The following ACOX3 variants were observed in gnomAD, a reference collection of about 807,000 sequenced individuals.
ACOX3 encodes the protein peroxisomal acyl-coenzyme A oxidase 3.
Under a neutral mutation model 81.5 loss-of-function variants are expected in ACOX3, and 73 were observed. The observed-to-expected ratio is 0.90, with a 90% CI of 0.74 to 1.09. ACOX3 has a LOEUF of 1.09. ACOX3 is among the 50% of genes least tolerant of loss of function. ACOX3 has a pLI of 0.00. For missense variants in ACOX3, 947 were observed against 928.0 expected (o/e 1.02, Z -0.27); for synonymous variants, 387 against 375.1 (o/e 1.03, Z -0.37).
At chr4:8,396,909 AGTGAAAG>A in intron 9 of ACOX3, 21 bp downstream of exon 9, 1 of 1,598,836 alleles carries the variant, frequency 6.3e-7, no homozygotes. Context: ...ATAGAGAGAC[AGTGAAAG>A]GATGCTTGAA....
At chr4:8,408,314 G>T (rs192255447) in intron 6 of ACOX3, among the ~76,000 whole-genome samples, 1 of 149,676 alleles carries the variant, frequency 6.7e-6, no homozygotes, top group Non-Finnish European at 1.5e-5. Flanking sequence ...CTGCCCCTCC[G>T]CCCACCAGCT....
At position 8,384,109 on chromosome 4, in the gene ACOX3, A is replaced by G. The variant is rs976878923; in HGVS notation, c.1538-2502T>C. Reference sequence around the variant, plus strand: ...TCACGGCAGTTACCCGAGTTTTCCAATCTGTCTCTGCAACCAGAATTAATC... The same window carrying G: ...TCACGGCAGTTACCCGAGTTTTCCAGTCTGTCTCTGCAACCAGAATTAATC... On this transcript the variant is annotated intron_variant, in intron 13 of 17. Transcript: ENST00000356406. This position sits in a 1 kb window ranked among gnomAD's most constrained non-coding sequence, Gnocchi z 5.3. Among the ~76,000 whole-genome samples, 1 of 152,108 alleles carries G rather than the reference A, an allele frequency of 6.6e-6. No individual in the cohort carries two copies. Among genetic ancestry groups the G allele is most frequent in the African/African-American group, 2.4e-5 (1 of 41,410 alleles).
rs1281792559 is a variant in ACOX3 at position 8,367,198 on chromosome 4, G to A, written c.1984-118C>T. The A allele has an allele frequency of 3.6e-6, 5 of 1,385,906 alleles. No homozygotes were observed. The South Asian group carries it at 4.1e-5, about 11-fold the overall frequency. The allele number at this position is 1,385,906 out of a possible 1,614,324, so 85.9% of individuals were successfully genotyped here. On this transcript the variant is annotated intron_variant, in intron 17 of 17. Transcript: ENST00000356406. ...TTTTTGTTAAAAACACAGGAAATTC[G>A]GCTGGGCACAGTGGCTCACGCCCGT... is the stretch of plus-strand genomic sequence containing the variant.
rs554406548 is a variant in ACOX3 at position 8,399,131 on chromosome 4, C to T, written c.873+425G>A. ...GGTCATCAGCTATGACCTGGGCCAT[C>T]GCTCCCCAGGACCACGGTCTCTCTT... On this transcript the variant is annotated intron_variant, in intron 8 of 17. Transcript: ENST00000356406. The surrounding 1 kb of genome is among the most constrained non-coding windows in gnomAD (Gnocchi z 4.9). 9.2e-5 allele frequency among the ~76,000 whole-genome samples: 14 copies of T among 152,296 alleles called. No individual in the cohort carries two copies. The highest frequency in any genetic ancestry group is 1.9e-4 in the African/African-American group (8 of 41,556).
chr4:8,364,176 C>T (rs570954381), downstream of ACOX3, among the ~76,000 whole-genome samples: 2 of 152,274 alleles, frequency 1.3e-5, no homozygotes, highest in Admixed American at 6.5e-5. This position sits in a 1 kb window ranked among gnomAD's most constrained non-coding sequence, Gnocchi z 5.0. Flanking sequence ...CCAATGTGCA[C>T]TCTCCATGTA....
chr4:8,357,272 G>T, the ACOX3 span: 1 of 456,580 alleles, frequency 2.2e-6, no homozygotes, highest in Non-Finnish European at 4.4e-6. Context: ...AGGAGACGGG[G>T]GCCCTCGAGG....
intron 1 of ACOX3, among the ~76,000 whole-genome samples, chr4:8,438,603 A>G (rs1016551985): frequency 1.3e-5 from 2 of 152,252 alleles, no homozygotes; most frequent in South Asian, 4.1e-4. Flanking sequence ...GATTTTAGAA[A>G]TAGCCATACA....
chr4:8,412,232 C>T (rs887516551), intron 5 of ACOX3, among the ~76,000 whole-genome samples: 1 of 152,232 alleles, frequency 6.6e-6, no homozygotes, highest in Non-Finnish European at 1.5e-5. Flanking sequence ...TCTCCTAGCC[C>T]CACTCTGAGA....
chr4:8,364,093 G>A (rs1578835534), downstream of ACOX3, among the ~76,000 whole-genome samples: 1 of 152,020 alleles, frequency 6.6e-6, no homozygotes, highest in African/African-American at 2.4e-5. The surrounding 1 kb of genome is among the most constrained non-coding windows in gnomAD (Gnocchi z 5.0). Context: ...CCTCTCTTGG[G>A]GTCCAGATGG....
At chr4:8,388,247 G>A (rs1030684720) in intron 13 of ACOX3, among the ~76,000 whole-genome samples, 3 of 152,246 alleles carry the variant, frequency 2.0e-5, no homozygotes, top group African/African-American at 7.2e-5. Flanking sequence ...CAGGATCACT[G>A]CTTTGCAGAA....
At chr4:8,356,562 A>G in the ACOX3 span, 1 of 456,450 alleles carries the variant, frequency 2.2e-6, no homozygotes, top group South Asian at 1.5e-5. Context: ...TGAAAGGAAA[A>G]CCACACACAC....
chr4:8,422,467 T>G (rs778172550), intron 1 of ACOX3, among the ~76,000 whole-genome samples: 4 of 152,226 alleles, frequency 2.6e-5, no homozygotes, highest in Non-Finnish European at 5.9e-5. Context: ...GAAACTCTAA[T>G]GAACTTGGCA....
downstream of ACOX3, among the ~76,000 whole-genome samples, chr4:8,363,142 G>A (rs1241457457): frequency 6.6e-6 from 1 of 152,216 alleles, no homozygotes; most frequent in Non-Finnish European, 1.5e-5. Context: ...AAACAAGAGG[G>A]ATGGATAATG....
chr4:8,427,204 C>T (rs986046232), intron 1 of ACOX3, among the ~76,000 whole-genome samples: 2 of 152,204 alleles, frequency 1.3e-5, no homozygotes, highest in East Asian at 1.9e-4. Context: ...AAGAAATAAT[C>T]AGATCATCTG....
Position 8,373,214 on chromosome 4 carries a change from G to A in ACOX3, c.1896+347C>T, listed in dbSNP as rs3756189. Among the ~76,000 whole-genome samples the A allele has an allele frequency of 4.4e-3, 663 of 152,156 alleles. 28 individuals are homozygous for A. In the East Asian group the frequency reaches 0.097, roughly 22 times the overall value. Reference sequence around the variant, plus strand: ...GTGTGTGCAGATCTGGAGACGCCCCGACAGGTTTCTTTTGCAAAAATTTCT... The same window carrying A: ...GTGTGTGCAGATCTGGAGACGCCCCAACAGGTTTCTTTTGCAAAAATTTCT... On this transcript the variant is annotated intron_variant, in intron 16 of 17. Transcript: ENST00000356406.
intron 1 of ACOX3, among the ~76,000 whole-genome samples, chr4:8,420,080 A>G (rs1343250240): frequency 6.6e-6 from 1 of 152,228 alleles, no homozygotes; most frequent in Admixed American, 6.5e-5. Context: ...CCCAAGTACT[A>G]TCAGTAGTCT....
intron 5 of ACOX3, among the ~76,000 whole-genome samples, chr4:8,410,681 G>C (rs541408559): frequency 1.3e-5 from 2 of 152,264 alleles, no homozygotes; most frequent in African/African-American, 4.8e-5. Context: ...ACTGTGGGCG[G>C]AGCTGTCTGT....
At chr4:8,375,193 A>G in intron 14 of ACOX3, 41 bp from the exon 15 acceptor site, 1 of 1,477,404 alleles carries the variant, frequency 6.8e-7, no homozygotes, top group Non-Finnish European at 9.0e-7. Flanking sequence ...TGAGGGTCCC[A>G]GCCCCGCCCA....
intron 14 of ACOX3, 48 bp from the exon 15 acceptor site, chr4:8,375,200 C>G (rs1249923888): frequency 6.8e-7 from 1 of 1,476,532 alleles, no homozygotes; most frequent in East Asian, 2.5e-5. Context: ...CCCAGCCCCG[C>G]CCAGATTCCC....
Sources: allele counts gnomAD v4.1 joint callset (sites outside exome capture counted in the v4.1 genomes callset), GRCh38; gene constraint gnomAD v4.1.1; non-coding constraint Gnocchi (gnomAD v3.1); transcripts MANE v1.5; gene names NCBI Gene and HGNC (gene_info 2026-07-23, HGNC 2026-07-21).